DNAH12: variants seen among roughly 807,000 people sequenced by gnomAD.
DNAH12 encodes axonemal beta dynein heavy chain 12.
Under a neutral mutation model 371.5 loss-of-function variants are expected in DNAH12, and 285 were observed. The ratio of observed to expected loss-of-function variants is 0.77; its 90% CI spans 0.70 to 0.85. The LOEUF (loss-of-function observed/expected upper bound fraction) is 0.85. Among genes scored for constraint, DNAH12 ranks in the 40% least tolerant of loss-of-function variants. The pLI, the probability that DNAH12 is intolerant of heterozygous loss-of-function variation, is 0.00. For missense variants in DNAH12, 3,611 were observed against 3,689.4 expected (o/e 0.98, Z 0.55); for synonymous variants, 1,200 against 1,213.0 (o/e 0.99, Z 0.22).
chr3:57,293,908 C>T lies in DNAH12; in HGVS notation c.11756G>A (p.Arg3919His), dbSNP rs373130059. ...TCCCGTAGTGGAAAGAGTTCCTTTA[C>T]GTTCACTTGTCTTGTAGAGGGGACA... Reference protein sequence around the residue: ...YVCPLYKTSERKGTLSTTGHS... With the variant: ...YVCPLYKTSEHKGTLSTTGHS... The change falls in exon 74 of 74, where the codon CGT (arginine) becomes CAT (histidine). Residue 3919 changes from arginine to histidine, a missense_variant. Arg to His is a conservative substitution (Grantham distance 29). Transcript: ENST00000495027. 27 of 1,537,960 alleles carry T rather than the reference C, an allele frequency of 1.8e-5. No homozygotes were observed. The highest frequency in any genetic ancestry group is 8.3e-5 in the African/African-American group (6 of 72,106).
intron 5 of DNAH12, among the ~76,000 whole-genome samples, chr3:57,510,429 A>G (rs940485227): frequency 6.6e-6 from 1 of 152,238 alleles, no homozygotes; most frequent in Admixed American, 6.5e-5. Flanking sequence ...GCTTGAGCCC[A>G]GGAGTTTTAG....
At chr3:57,445,012 A>T (rs2065437115) in intron 28 of DNAH12, among the ~76,000 whole-genome samples, 162 bp downstream of exon 28, 1 of 151,892 alleles carries the variant, frequency 6.6e-6, no homozygotes, top group African/African-American at 2.4e-5. Flanking sequence ...CTTTGTATTC[A>T]TATGAAGTAT....
chr3:57,515,128 TGA>T (rs1196605214), intron 4 of DNAH12, among the ~76,000 whole-genome samples: 6 of 151,098 alleles, frequency 4.0e-5, no homozygotes, highest in Non-Finnish European at 4.4e-5. Flanking sequence ...CCATGGGTTT[TGA>T]GAGAGAGAGA....
intron 23 of DNAH12, among the ~76,000 whole-genome samples, chr3:57,454,029 AG>A (rs1420427102): frequency 6.6e-6 from 1 of 152,132 alleles, no homozygotes; most frequent in Non-Finnish European, 1.5e-5. Flanking sequence ...GGATAGCTTG[AG>A]CCCAGGAGTT....
In DNAH12 at chr3:57,464,686, A is replaced by G. The variant is rs546367816; in HGVS notation, c.2350-1811T>C. 7.2e-5 allele frequency among the ~76,000 whole-genome samples: 11 copies of G among 152,342 alleles called. No homozygotes were observed. In the East Asian group the frequency reaches 1.4e-3, roughly 19 times the overall value. ...TAACTGACTCTAACCAGACAGGGATATGTGAGCTCTCTGACCAACAATAAA... is the reference window on the plus strand; with the variant it reads ...TAACTGACTCTAACCAGACAGGGATGTGTGAGCTCTCTGACCAACAATAAA... On this transcript the variant is annotated intron_variant, in intron 17 of 73. Coordinates refer to ENST00000495027, the MANE Select transcript of DNAH12 (RefSeq NM_001366028.2).
intron 69 of DNAH12, among the ~76,000 whole-genome samples, chr3:57,305,219 C>T (rs948091337): frequency 2.6e-5 from 4 of 152,062 alleles, no homozygotes; most frequent in South Asian, 2.1e-4. Context: ...TCTCTGTTCC[C>T]GATGCGACTC....
rs1339975805 is a variant in DNAH12, at chr3:57,393,662, A to AAGAAAG, written c.7110+508_7110+509insCTTTCT. On this transcript the variant is annotated intron_variant, in intron 44 of 73. Transcript: ENST00000495027. Reference sequence around the variant, plus strand: ...AAAAAAAAAAAAAAAGAAAGAAAGAAAAAGAAAAAGAAAAAGAAATGAGGG... The same window carrying AAGAAAG: ...AAAAAAAAAAAAAAAGAAAGAAAGAAAGAAAGAAAGAAAAAGAAAAAGAAATGAGGG... Among the ~76,000 whole-genome samples, 497 of 145,036 alleles carry AAGAAAG rather than the reference A, an allele frequency of 3.4e-3. 7 individuals carry two copies. Among genetic ancestry groups the AAGAAAG allele is most frequent in the African/African-American group, 0.013 (469 of 35,728 alleles).
chr3:57,401,218 T>C lies in DNAH12; in HGVS notation c.6948+2091A>G, dbSNP rs938127961. Reference sequence around the variant, plus strand: ...AAACTTGAGGGATGCAGCAAAAGTATTGCTGAGAGGGAAGTTTGTAGCTGT... The same window carrying C: ...AAACTTGAGGGATGCAGCAAAAGTACTGCTGAGAGGGAAGTTTGTAGCTGT... On this transcript the variant is annotated intron_variant, in intron 43 of 73. Transcript: ENST00000495027. 1.3e-4 allele frequency among the ~76,000 whole-genome samples: 20 copies of C among 151,924 alleles called. No homozygotes were observed. The East Asian group carries it at 2.7e-3, about 21-fold the overall frequency.
intron 37 of DNAH12, among the ~76,000 whole-genome samples, chr3:57,416,504 A>G (rs1280786359): frequency 6.6e-6 from 1 of 152,142 alleles, no homozygotes; most frequent in South Asian, 2.1e-4. Context: ...GCAGAAAGTC[A>G]AAGTCTGTCT....
In DNAH12 at chr3:57,519,878, C is replaced by A. The variant is rs2068345298; in HGVS notation, c.279+3705G>T. ...CAGATGGCGCACATATCTCACTCCACGGCCCAGCTCCACATGGCCACCACG... is the reference window on the plus strand; with the variant it reads ...CAGATGGCGCACATATCTCACTCCAAGGCCCAGCTCCACATGGCCACCACG... On this transcript the variant is annotated intron_variant, in intron 4 of 73. Coordinates refer to ENST00000495027, the MANE Select transcript of DNAH12 (RefSeq NM_001366028.2). 24 of 944,066 alleles carry A rather than the reference C, an allele frequency of 2.5e-5. 1 individual carries two copies. In the South Asian group the frequency reaches 3.0e-4, roughly 12 times the overall value. The allele number at this position is 944,066 out of a possible 1,614,324, so 58.5% of individuals were successfully genotyped here.
intron 62 of DNAH12, 123 bp from the exon 63 acceptor site, chr3:57,323,742 C>G (rs746452742): frequency 1.0e-4 from 100 of 995,432 alleles, no homozygotes; most frequent in Non-Finnish European, 1.3e-4. Flanking sequence ...CATATAGCAT[C>G]ATAGACAAAG....
chr3:57,434,851 A>G (rs1000098509), intron 30 of DNAH12, among the ~76,000 whole-genome samples: 1 of 152,286 alleles, frequency 6.6e-6, no homozygotes, highest in South Asian at 2.1e-4. Flanking sequence ...AAAAAGAACC[A>G]TAACAAAGAA....
intron 29 of DNAH12, among the ~76,000 whole-genome samples, chr3:57,442,161 C>T (rs2065327772): frequency 6.6e-6 from 1 of 151,884 alleles, no homozygotes. Context: ...AATTTGTTGC[C>T]AGAAGACCCA....
intron 8 of DNAH12, 25 bp downstream of exon 8, chr3:57,507,618 T>C: frequency 1.3e-6 from 2 of 1,482,666 alleles, no homozygotes; most frequent in Non-Finnish European, 1.8e-6. Context: ...AACATTATCA[T>C]TTAATATATA....
intron 4 of DNAH12, chr3:57,519,747 G>A (rs987355805): frequency 6.2e-6 from 10 of 1,609,718 alleles, no homozygotes; most frequent in South Asian, 2.2e-5. Flanking sequence ...ACAGGGACAT[G>A]CAGCAGTTGC....
intron 43 of DNAH12, among the ~76,000 whole-genome samples, chr3:57,394,718 G>A (rs1480365007): frequency 5.9e-5 from 9 of 152,196 alleles, no homozygotes; most frequent in Non-Finnish European, 1.2e-4. Context: ...GTATGAGCCT[G>A]CTGGAGAAGG....
At chr3:57,413,134 G>A (rs1268266110) in intron 39 of DNAH12, among the ~76,000 whole-genome samples, 8 of 152,292 alleles carry the variant, frequency 5.3e-5, no homozygotes, top group African/African-American at 1.9e-4. Context: ...CAAGCCATGA[G>A]AAGATATGAA....
At chr3:57,302,567 A>ATATATATATTTATTTTTTTTTT (rs2061380979) in intron 69 of DNAH12, among the ~76,000 whole-genome samples, 1 of 27,484 alleles carries the variant, frequency 3.6e-5, no homozygotes, top group Non-Finnish European at 6.3e-5. Context: ...ATATATATGT[A>ATATATATATTTATTTTTTTTTT]TTTTTTTTTT....
chr3:57,322,458 C>T lies in DNAH12; in HGVS notation c.10409G>A (p.Gly3470Glu). 6.4e-7 allele frequency: 1 copy of T among 1,552,068 alleles called. No individual in the cohort carries two copies. The highest frequency in any genetic ancestry group is 8.7e-7 in the Non-Finnish European group (1 of 1,147,042). The stretch of plus-strand genomic sequence containing the variant: ...GGGAGGTTCATTAGTCATTTTTACT[C>T]CATTCTGTAGAATTGTTACTGGGAA... ...SKFPVTILQN[G>E]VKMTNEPPTG... Residue 3470 changes from glycine to glutamate, a missense_variant, in exon 65 of 74, where the codon GGA becomes GAA. By Grantham distance (98) the Gly-to-Glu change is moderately conservative. Transcript: ENST00000495027.
Sources: gnomAD v4.1 joint callset for allele counts (sites outside exome capture counted in the v4.1 genomes callset) on GRCh38, gnomAD v4.1.1 for gene constraint, MANE v1.5 for transcripts, NCBI Gene and HGNC (gene_info 2026-07-23, HGNC 2026-07-21) for gene names.